The following ZNF415 variants were observed in gnomAD, a reference collection of about 807,000 sequenced individuals.
ZNF415 encodes zinc finger protein 415.
In ZNF415, 5 loss-of-function variants were observed where a neutral mutation model predicts 7.3. The observed-to-expected ratio is 0.69, with a 90% confidence interval of 0.36 to 1.44. ZNF415 has a LOEUF of 1.44. ZNF415 is among the 40% of genes most tolerant of loss of function. ZNF415 has a pLI of 0.04. For synonymous variants in ZNF415, 207 were observed against 226.3 expected, an observed-to-expected ratio of 0.91 and a Z score of 0.77; for missense variants, 628 against 664.8, an observed-to-expected ratio of 0.94 and a Z score of 0.61.
chr19:53,131,574 C>G (rs1018840616), intron 1 of ZNF415, among the ~76,000 whole-genome samples: 13 of 152,114 alleles, frequency 8.5e-5, no homozygotes, highest in Non-Finnish European at 1.6e-4. Context: ...GTACATCGCT[C>G]TCATTCTCAC....
intron 1 of ZNF415, among the ~76,000 whole-genome samples, chr19:53,126,732 A>G (rs1284235426): frequency 8.2e-6 from 1 of 122,308 alleles, no homozygotes; most frequent in Non-Finnish European, 1.8e-5. Flanking sequence ...CTTTCCCTAA[A>G]TGTGACCCCA....
chr19:53,109,251 A>G lies in ZNF415; in HGVS notation c.794T>C (p.Val265Ala), dbSNP rs1398283280. The change falls in exon 4 of 4, where the codon GTT (valine) becomes GCT (alanine). Residue 265 changes from valine (V) to alanine (A), a missense_variant. Physicochemically the swap from Val to Ala is moderately conservative, Grantham distance 64 (BLOSUM62 0). Coordinates refer to ENST00000243643, the MANE Select transcript of ZNF415 (RefSeq NM_018355.4). Reference protein sequence around the residue: ...QKSNLARHWRVHTGEKPYKCN... With the variant: ...QKSNLARHWRAHTGEKPYKCN... ...TTTGTATGGTTTCTCTCCAGTATGA[A>G]CTCTCCAATGACGCGCAAGGTTTGA... 1.2e-6 allele frequency: 2 copies of G among 1,613,906 alleles called. No individual in the cohort carries two copies. Among genetic ancestry groups the G allele is most frequent in the Non-Finnish European group, 1.7e-6 (2 of 1,180,026 alleles).
chr19:53,109,051 C>T lies in ZNF415; in HGVS notation c.994G>A (p.Glu332Lys), dbSNP rs2085816316. 5 of 1,613,732 alleles carry T rather than the reference C, an allele frequency of 3.1e-6. No homozygotes were observed. The highest frequency in any genetic ancestry group is 4.2e-6 in the Non-Finnish European group (5 of 1,179,824). The change falls in exon 4 of 4, where the codon GAG becomes AAG. Residue 332 changes from glutamate (E) to lysine (K), a missense_variant. By Grantham distance (56) the Glu-to-Lys change is moderately conservative (BLOSUM62 1). Coordinates refer to ENST00000243643, the MANE Select transcript of ZNF415 (RefSeq NM_018355.4). Reference protein sequence around the residue: ...HIGEKPYTCKECGKAFSVRST... With the variant: ...HIGEKPYTCKKCGKAFSVRST... ...CTCACACTAAAGGCTTTGCCACACT[C>T]TTTACATGTGTAAGGTTTCTCTCCA...
In ZNF415 at chr19:53,119,020, C is replaced by T. The variant is rs183100472; in HGVS notation, c.16-2587G>A. On this transcript the variant is annotated intron_variant, in intron 2 of 3. Coordinates refer to ENST00000243643, the MANE Select transcript of ZNF415 (RefSeq NM_018355.4). The stretch of plus-strand genomic sequence containing the variant: ...ATTAGGCCGGGCGCAGTGGCTCACG[C>T]CTGTAGTCCTAGCACTTTAGGAGGC... 1.3e-3 allele frequency among the ~76,000 whole-genome samples: 200 copies of T among 151,576 alleles called. 1 individual carries two copies. The highest frequency in any genetic ancestry group is 4.6e-3 in the African/African-American group (188 of 41,202).
In ZNF415 at chr19:53,109,397, G is replaced by T. The variant is rs1374993198; in HGVS notation, c.648C>A (p.Tyr216Ter). Residue 216 changes from tyrosine (Y) to a stop codon, truncating the protein, a stop_gained, in exon 4 of 4, where the codon TAC (tyrosine) becomes TAA (stop). Coordinates refer to ENST00000243643, the MANE Select transcript of ZNF415 (RefSeq NM_018355.4). LOFTEE classifies it low-confidence loss of function (END_TRUNC). ...AGGCTTTGTCGCACTCAATATATCT[G>T]TAAGGTTTTTCCCTAATGCATGATT... ...EQKSCIREKPYRYIECDKALN... is the reference protein window; with the variant it reads ...EQKSCIREKP The T allele has an allele frequency of 5.0e-6, 8 of 1,613,996 alleles. No homozygotes were observed. Among genetic ancestry groups the T allele is most frequent in the Non-Finnish European group, 4.2e-6 (5 of 1,179,994 alleles).
In ZNF415 at chr19:53,108,051, A is replaced by C. The variant is rs998704486; in HGVS notation, c.*326T>G. ...GTTACAGTTTTGATCCTTGGTTAAT[A>C]GCTTCAACATGCACAAAATATACAA... On this transcript the variant is annotated 3_prime_UTR_variant, in exon 4 of 4. Transcript: ENST00000243643. The C allele has an allele frequency of 1.1e-5, 3 of 270,998 alleles. No individual in the cohort carries two copies. The highest frequency in any genetic ancestry group is 4.4e-5 in the African/African-American group (2 of 45,196). The allele number at this position is 270,998 out of a possible 1,614,324, so 16.8% of individuals were successfully genotyped here.
intron 3 of ZNF415, among the ~76,000 whole-genome samples, chr19:53,113,672 T>C (rs2146293647): frequency 6.6e-6 from 1 of 152,266 alleles, no homozygotes; most frequent in Middle Eastern, 3.4e-3. Flanking sequence ...CAAAGGTTTG[T>C]TGATGAGAAT....
rs570287778 is a variant in ZNF415 at position 53,108,711 on chromosome 19, C to T, written c.1334G>A (p.Cys445Tyr). The T allele has an allele frequency of 2.5e-6, 4 of 1,614,220 alleles. No homozygotes were observed. The African/African-American group carries it at 4.0e-5, about 16-fold the overall frequency. ...CGAATGCACACTAAAGGCTTTCCCA[C>T]ACTCATTACACTTGTAAGGTTTCTC... ...TGEKPYKCNE[C>Y]GKAFSVHSNL... is the part of the protein sequence containing the mutation. The change falls in exon 4 of 4, where the codon TGT becomes TAT. Residue 445 changes from cysteine (C) to tyrosine (Y), a missense_variant. Physicochemically the swap from Cys to Tyr is radical, Grantham distance 194. Transcript: ENST00000243643.
At chr19:53,124,892 G>C (rs918267921) in intron 1 of ZNF415, among the ~76,000 whole-genome samples, 1 of 151,626 alleles carries the variant, frequency 6.6e-6, no homozygotes, top group Non-Finnish European at 1.5e-5. Context: ...AATGACACCA[G>C]GAATTCTGGC....
At chr19:53,110,940 A>T (rs138468117) in intron 3 of ZNF415, among the ~76,000 whole-genome samples, 1 of 152,216 alleles carries the variant, frequency 6.6e-6, no homozygotes, top group South Asian at 2.1e-4. Context: ...CACAATATAC[A>T]TAAGAGTTTG....
At chr19:53,131,051 A>AT (rs2090005112) in intron 1 of ZNF415, among the ~76,000 whole-genome samples, 1 of 118,636 alleles carries the variant, frequency 8.4e-6, no homozygotes, top group African/African-American at 3.1e-5. Flanking sequence ...ACATTTTGAG[A>AT]TTTTCTTGCA....
chr19:53,127,407 T>C (rs563939168), intron 1 of ZNF415, among the ~76,000 whole-genome samples: 2 of 152,302 alleles, frequency 1.3e-5, no homozygotes, highest in South Asian at 4.1e-4. Flanking sequence ...AGGGTCTCAC[T>C]GACCCACGAC....
Position 53,109,216 on chromosome 19 carries a change from A to G in ZNF415, c.829T>C (p.Cys277Arg), listed in dbSNP as rs762923389. Residue 277 changes from cysteine (C) to arginine (R), a missense_variant, in exon 4 of 4, where the codon TGT (cysteine) becomes CGT (arginine). Physicochemically the swap from Cys to Arg is radical, Grantham distance 180. Transcript: ENST00000243643. ...TGEKPYKCNE[C>R]DRSFSRNSCL... ...GAGTTGCGACTGAAACTTCTGTCACATTCATTACATTTGTATGGTTTCTCT... is the reference window on the plus strand; with the variant it reads ...GAGTTGCGACTGAAACTTCTGTCACGTTCATTACATTTGTATGGTTTCTCT... The G allele has an allele frequency of 3.1e-6, 5 of 1,614,044 alleles. No homozygotes were observed. In the Admixed American group the frequency reaches 6.7e-5, roughly 22 times the overall value.
intron 2 of ZNF415, 75 bp downstream of exon 2, chr19:53,122,587 T>C (rs368108776): frequency 6.2e-7 from 1 of 1,609,214 alleles, no homozygotes; most frequent in Non-Finnish European, 8.5e-7. Flanking sequence ...AGAGAAGATT[T>C]GCAGCTCCAA....
chr19:53,112,080 T>C (rs1195364761), intron 3 of ZNF415, among the ~76,000 whole-genome samples: 3 of 152,074 alleles, frequency 2.0e-5, no homozygotes, highest in Admixed American at 2.0e-4. Context: ...TAGCTGAGAT[T>C]ACAGGCACCT....
intron 1 of ZNF415, among the ~76,000 whole-genome samples, chr19:53,130,070 A>G (rs1162548882): frequency 1.3e-5 from 2 of 151,164 alleles, no homozygotes; most frequent in Non-Finnish European, 3.0e-5. Flanking sequence ...AGCTCACAAA[A>G]AAAAAAAAAA....
chr19:53,120,423 T>C (rs2087807797), intron 2 of ZNF415, among the ~76,000 whole-genome samples: 1 of 152,082 alleles, frequency 6.6e-6, no homozygotes, highest in South Asian at 2.1e-4. Flanking sequence ...CTCACAATGA[T>C]TAAACACATT....
Position 53,108,624 on chromosome 19 carries a change from C to A in ZNF415, c.1421G>T (p.Gly474Val). ...GCTTGAATGCACACTGAAGCCTTTGCCACATTGATTACATTTGTAAGGCTT... is the reference window on the plus strand; with the variant it reads ...GCTTGAATGCACACTGAAGCCTTTGACACATTGATTACATTTGTAAGGCTT... ...GEKPYKCNQC[G>V]KGFSVHSSLT... Residue 474 changes from glycine (G) to valine (V), a missense_variant, in exon 4 of 4, where the codon GGC becomes GTC. Gly to Val is a moderately radical substitution (Grantham distance 109, BLOSUM62 -3). Transcript: ENST00000243643. 2 of 1,614,128 alleles carry A rather than the reference C, an allele frequency of 1.2e-6. No individual in the cohort carries two copies. Among genetic ancestry groups the A allele is most frequent in the Non-Finnish European group, 1.7e-6 (2 of 1,180,020 alleles).
At chr19:53,127,087 G>A (rs2089263574) in intron 1 of ZNF415, among the ~76,000 whole-genome samples, 1 of 137,448 alleles carries the variant, frequency 7.3e-6, no homozygotes, top group Admixed American at 7.6e-5. Context: ...GCAGGTCAGT[G>A]TGCTGTGTTT....
Sources: allele counts gnomAD v4.1 joint callset (sites outside exome capture counted in the v4.1 genomes callset), GRCh38; gene constraint gnomAD v4.1.1; transcripts MANE v1.5; gene names NCBI Gene and HGNC (gene_info 2026-07-23, HGNC 2026-07-21).